CDC20B: variants seen among roughly 807,000 people sequenced by gnomAD.
CDC20B encodes the protein cell division cycle protein 20 homolog B.
A neutral mutation model predicts 64.1 loss-of-function variants in CDC20B; 58 were observed. That is an observed-to-expected ratio of 0.90 (90% CI 0.73 to 1.13). The LOEUF (loss-of-function observed/expected upper bound fraction) is 1.13, where lower values mean the gene tolerates loss of function less well. Among genes scored for constraint, CDC20B ranks in the 50% most tolerant of loss-of-function variants. The probability of loss-of-function intolerance (pLI) is 0.00; values close to 1 mark genes in which losing one functional copy is unlikely to be tolerated. For missense variants in CDC20B, 597 were observed against 633.0 expected (o/e 0.94, Z 0.61); for synonymous variants, 243 against 230.6 (o/e 1.05, Z -0.49).
In CDC20B at chr5:55,146,717, G is replaced by T. The variant is rs373822687; in HGVS notation, c.266C>A (p.Ser89Tyr). 3 of 1,614,192 alleles carry T rather than the reference G, an allele frequency of 1.9e-6. No homozygotes were observed. Among genetic ancestry groups the T allele is most frequent in the Non-Finnish European group, 2.5e-6 (3 of 1,180,044 alleles). The change falls in exon 3 of 12, where the codon TCC becomes TAC. Residue 89 changes from serine (S) to tyrosine (Y), a missense_variant. Ser to Tyr is a moderately radical substitution (Grantham distance 144). Coordinates refer to ENST00000381375, the MANE Select transcript of CDC20B (RefSeq NM_001170402.1). ...QSQTRALSSD[S>Y]FGEEQSTTYL... ...GGTGGTTGACTGCTCTTCCCCAAAG[G>T]AATCAGAGGACAGAGCCCTAGTTTG...
At chr5:55,143,448 A>C (rs1000593634) in intron 4 of CDC20B, 65 bp downstream of exon 4, 3 of 1,481,538 alleles carry the variant, frequency 2.0e-6, no homozygotes, top group Non-Finnish European at 1.8e-6. Context: ...CTTCCCTTAC[A>C]TTTGCAACTA....
At chr5:55,151,294 A>C (rs949346614) in intron 2 of CDC20B, among the ~76,000 whole-genome samples, 1 of 152,220 alleles carries the variant, frequency 6.6e-6, no homozygotes, top group South Asian at 2.1e-4. Context: ...TAATTTTTCA[A>C]AAAGACTGGA....
intron 5 of CDC20B, among the ~76,000 whole-genome samples, chr5:55,135,259 A>C (rs1743132000): frequency 6.6e-6 from 1 of 152,102 alleles, no homozygotes; most frequent in Admixed American, 6.6e-5. Flanking sequence ...ACAGAGAGAG[A>C]AAGAGAGAGG....
intron 2 of CDC20B, chr5:55,160,197 A>C: frequency 6.2e-7 from 1 of 1,613,264 alleles, no homozygotes. Context: ...TCCAACATGG[A>C]GCCTCTTGCA....
chr5:55,161,174 A>T (rs1744036476), intron 2 of CDC20B: 1 of 1,614,036 alleles, frequency 6.2e-7, no homozygotes, highest in African/African-American at 1.3e-5. Flanking sequence ...TGCAAGAAAA[A>T]ACTACGGAGT....
At chr5:55,170,507 G>C (rs749858659) in intron 2 of CDC20B, 2 of 534,310 alleles carry the variant, frequency 3.7e-6, no homozygotes, top group South Asian at 2.8e-5. Flanking sequence ...ACTAATTACA[G>C]ATTCAGTTAC....
chr5:55,116,184 T>C (rs1416691893), intron 11 of CDC20B, among the ~76,000 whole-genome samples: 3 of 152,216 alleles, frequency 2.0e-5, no homozygotes, highest in Admixed American at 1.3e-4. Flanking sequence ...CCACTGTCTA[T>C]TATTTAAAAA....
At chr5:55,125,456 A>G (rs988569553) in intron 8 of CDC20B, among the ~76,000 whole-genome samples, 1 of 152,252 alleles carries the variant, frequency 6.6e-6, no homozygotes, top group Admixed American at 6.5e-5. Flanking sequence ...TGTTAGACAT[A>G]GAAAAAGGAA....
chr5:55,135,825 A>G (rs183118987), intron 5 of CDC20B: 29 of 151,320 alleles, frequency 1.9e-4, no homozygotes, highest in African/African-American at 6.8e-4. Flanking sequence ...ATGTGGCCCA[A>G]AACAATCCTT....
chr5:55,129,278 T>C (rs947469651), intron 6 of CDC20B, among the ~76,000 whole-genome samples: 20 of 152,192 alleles, frequency 1.3e-4, no homozygotes, highest in Non-Finnish European at 2.2e-4. Flanking sequence ...CCATGATAAA[T>C]ATAAACTCTG....
At chr5:55,152,445 T>A (rs1394555194) in intron 2 of CDC20B, among the ~76,000 whole-genome samples, 3 of 152,244 alleles carry the variant, frequency 2.0e-5, no homozygotes, top group African/African-American at 7.2e-5. Flanking sequence ...TCTATTTTAG[T>A]TTCATCACAA....
At chr5:55,157,141 T>C (rs1462625035) in intron 2 of CDC20B, among the ~76,000 whole-genome samples, 3 of 152,184 alleles carry the variant, frequency 2.0e-5, no homozygotes, top group South Asian at 2.1e-4. Context: ...TCTCCTCCTA[T>C]AGAAGCCTTC....
At chr5:55,135,970 G>T (rs115181301) in intron 5 of CDC20B, 6,593 of 151,220 alleles carry the variant, frequency 0.044, 204 homozygotes, top group Non-Finnish European at 0.064. Context: ...TTGAGACAGA[G>T]TCTCACTCTG....
At chr5:55,129,587 G>A (rs1742978166) in intron 6 of CDC20B, among the ~76,000 whole-genome samples, 1 of 152,198 alleles carries the variant, frequency 6.6e-6, no homozygotes, top group African/African-American at 2.4e-5. Flanking sequence ...GAGATCCTCT[G>A]AGTGTGAGTA....
intron 5 of CDC20B, chr5:55,135,890 T>C (rs747455036): frequency 7.9e-5 from 12 of 151,862 alleles, no homozygotes; most frequent in Non-Finnish European, 1.5e-4. Context: ...ATTTAGAAGT[T>C]AAAAGTGTGT....
At chr5:55,156,766 C>G (rs1009285697) in intron 2 of CDC20B, among the ~76,000 whole-genome samples, 2 of 151,910 alleles carry the variant, frequency 1.3e-5, no homozygotes, top group African/African-American at 2.4e-5. Context: ...CCCAGCTACT[C>G]GGGAGGCTGA....
chr5:55,129,456 C>T (rs375289355), intron 6 of CDC20B, among the ~76,000 whole-genome samples: 7 of 151,996 alleles, frequency 4.6e-5, no homozygotes, highest in Non-Finnish European at 7.4e-5. Context: ...GGAGTGCCAG[C>T]GAAGACTCTG....
intron 11 of CDC20B, among the ~76,000 whole-genome samples, chr5:55,119,151 C>T (rs572989701): frequency 1.3e-5 from 2 of 152,310 alleles, no homozygotes; most frequent in South Asian, 2.1e-4. Flanking sequence ...AGATTGGATG[C>T]CGGTGCCCTG....
chr5:55,145,060 T>TA (rs1307275394), intron 3 of CDC20B, among the ~76,000 whole-genome samples: 9 of 152,190 alleles, frequency 5.9e-5, no homozygotes, highest in African/African-American at 1.7e-4. Flanking sequence ...CATACTTTTT[T>TA]AAAAAATCAA....
Sources: gnomAD v4.1 joint callset for allele counts (sites outside exome capture counted in the v4.1 genomes callset) on GRCh38, gnomAD v4.1.1 for gene constraint, MANE v1.5 for transcripts, NCBI Gene and HGNC (gene_info 2026-07-23, HGNC 2026-07-21) for gene names.